WDR25: variants seen among roughly 807,000 people sequenced by gnomAD.
The protein encoded by WDR25 is WD repeat-containing protein 25.
Under a neutral mutation model 47.7 loss-of-function variants are expected in WDR25, and 35 were observed. The observed-to-expected ratio is 0.73, with a 90% CI of 0.56 to 0.97. WDR25 has a LOEUF of 0.97. WDR25 is among the 50% of genes least tolerant of loss of function. The pLI is 0.00. For synonymous variants in WDR25, 248 were observed against 278.9 expected (o/e 0.89, Z 1.10); for missense variants, 634 against 704.7 (o/e 0.90, Z 1.14).
intron 2 of WDR25, among the ~76,000 whole-genome samples, chr14:100,444,353 C>T (rs1393692614): frequency 1.3e-5 from 2 of 152,226 alleles, no homozygotes; most frequent in Non-Finnish European, 2.9e-5. Flanking sequence ...TGCATCCGTG[C>T]CACTTAGTTG....
rs1033958424 is a variant in WDR25, at chr14:100,392,244, A to G, written c.822+10498A>G. Among the ~76,000 whole-genome samples, 21 of 152,128 alleles carry G rather than the reference A, an allele frequency of 1.4e-4. No individual in the cohort carries two copies. Among genetic ancestry groups the G allele is most frequent in the African/African-American group, 4.6e-4 (19 of 41,428 alleles). On this transcript the variant is annotated intron_variant, in intron 2 of 6. Coordinates refer to ENST00000402312, the MANE Select transcript of WDR25 (RefSeq NM_001161476.3). The surrounding 1 kb of genome is among the most constrained non-coding windows in gnomAD (Gnocchi z 4.2). The stretch of plus-strand genomic sequence containing the variant: ...ATTTTAGACAGTGTAATTGAGGACC[A>G]CAGTTTTCTTTACATCTGTAATTAC...
In WDR25 at chr14:100,392,911, A is replaced by G. The variant is rs895493199; in HGVS notation, c.822+11165A>G. Among the ~76,000 whole-genome samples, 3 of 152,174 alleles carry G rather than the reference A, an allele frequency of 2.0e-5. No individual in the cohort carries two copies. The highest frequency in any genetic ancestry group is 7.2e-5 in the African/African-American group (3 of 41,450). Reference sequence around the variant, plus strand: ...GGACTGCTGGGTCAAAGGGTTGTACATTTTCATGGGTCCAGATACGTCTCT... The same window carrying G: ...GGACTGCTGGGTCAAAGGGTTGTACGTTTTCATGGGTCCAGATACGTCTCT... On this transcript the variant is annotated intron_variant, in intron 2 of 6. Coordinates refer to ENST00000402312, the MANE Select transcript of WDR25 (RefSeq NM_001161476.3). This position sits in a 1 kb window ranked among gnomAD's most constrained non-coding sequence, Gnocchi z 4.2.
At chr14:100,436,808 C>T (rs764917123) in intron 2 of WDR25, among the ~76,000 whole-genome samples, 1 of 152,192 alleles carries the variant, frequency 6.6e-6, no homozygotes, top group Non-Finnish European at 1.5e-5. Flanking sequence ...TCTTCGCTCT[C>T]GCCCCCTGAG....
At chr14:100,454,319 A>C (rs1899132866) in intron 2 of WDR25, 4 of 1,237,592 alleles carry the variant, frequency 3.2e-6, no homozygotes, top group Non-Finnish European at 4.2e-6. Context: ...GGGTGTGGAG[A>C]AGATTTTGAC....
intron 2 of WDR25, among the ~76,000 whole-genome samples, chr14:100,441,908 AT>A (rs2140247877): frequency 6.6e-6 from 1 of 152,060 alleles, no homozygotes; most frequent in Admixed American, 6.5e-5. Context: ...TCTGTTAGGT[AT>A]TTTTATTCCC....
At chr14:100,472,825 C>T (rs1899888621) in intron 3 of WDR25, among the ~76,000 whole-genome samples, 1 of 152,226 alleles carries the variant, frequency 6.6e-6, no homozygotes, top group African/African-American at 2.4e-5. Flanking sequence ...AGACCCCCAG[C>T]CTGCCCGGCC....
intron 2 of WDR25, among the ~76,000 whole-genome samples, chr14:100,390,199 T>C (rs1897109399): frequency 1.3e-5 from 2 of 152,210 alleles, no homozygotes; most frequent in Non-Finnish European, 1.5e-5. Flanking sequence ...ATATTGTTTT[T>C]TATTGTATAT....
intron 2 of WDR25, 44 bp from the exon 3 acceptor site, chr14:100,467,977 A>T: frequency 1.2e-6 from 2 of 1,609,584 alleles, no homozygotes; most frequent in Non-Finnish European, 1.7e-6. Flanking sequence ...CCTGGAGATC[A>T]GGCCCTTGTT....
intron 4 of WDR25, among the ~76,000 whole-genome samples, chr14:100,514,456 T>A (rs2140369244): frequency 6.6e-6 from 1 of 152,230 alleles, no homozygotes; most frequent in East Asian, 1.9e-4. Context: ...TTCTCCCCCA[T>A]CCATTTTTTT....
intron 2 of WDR25, among the ~76,000 whole-genome samples, chr14:100,447,768 C>T (rs939775631): frequency 1.3e-5 from 2 of 152,220 alleles, no homozygotes; most frequent in African/African-American, 4.8e-5. Flanking sequence ...CTCCTTCCCA[C>T]CGTGCTGAAT....
At chr14:100,447,932 G>A (rs890194590) in intron 2 of WDR25, among the ~76,000 whole-genome samples, 1 of 152,144 alleles carries the variant, frequency 6.6e-6, no homozygotes, top group African/African-American at 2.4e-5. Context: ...GGTGGCTCAC[G>A]CCTGTAATCC....
At chr14:100,417,174 T>C (rs1897891657) in intron 2 of WDR25, among the ~76,000 whole-genome samples, 1 of 152,188 alleles carries the variant, frequency 6.6e-6, no homozygotes, top group Non-Finnish European at 1.5e-5. Context: ...TGCTGTGCTG[T>C]GTGTGGCATG....
chr14:100,494,462 T>G (rs558135565), intron 4 of WDR25, among the ~76,000 whole-genome samples: 4 of 152,240 alleles, frequency 2.6e-5, no homozygotes, highest in African/African-American at 9.6e-5. Flanking sequence ...AGCTATGTTT[T>G]TTGCCTTTTA....
chr14:100,435,232 C>T (rs759289512), intron 2 of WDR25, among the ~76,000 whole-genome samples: 18 of 152,314 alleles, frequency 1.2e-4, no homozygotes, highest in Non-Finnish European at 2.1e-4. Flanking sequence ...TTGTGAATGA[C>T]GGGTGTACTT....
intron 2 of WDR25, among the ~76,000 whole-genome samples, chr14:100,410,888 T>A (rs1284158028): frequency 1.3e-5 from 2 of 151,344 alleles, no homozygotes; most frequent in Admixed American, 6.6e-5. Context: ...GCTCAAGCGA[T>A]CCTCCTACCT....
At chr14:100,390,613 C>G (rs112808881) in intron 2 of WDR25, among the ~76,000 whole-genome samples, 2,904 of 152,280 alleles carry the variant, frequency 0.019, 44 homozygotes, top group Middle Eastern at 0.044. Flanking sequence ...CTGCTGCCAG[C>G]CTTCCGGCAT....
At chr14:100,379,388 T>C (rs1450813147) in intron 1 of WDR25, among the ~76,000 whole-genome samples, 1 of 147,608 alleles carries the variant, frequency 6.8e-6, no homozygotes, top group Admixed American at 6.7e-5. Context: ...TTCTTTTTTT[T>C]TCTTTTTTTT....
rs1450655228 is a variant in WDR25 at position 100,392,520 on chromosome 14, A to G, written c.822+10774A>G. ...ACAAAACCATAAGCAAAATCCACCA[A>G]CTCGACCATACACTGAAATTATCAT... On this transcript the variant is annotated intron_variant, in intron 2 of 6. Coordinates refer to ENST00000402312, the MANE Select transcript of WDR25 (RefSeq NM_001161476.3). This position sits in a 1 kb window ranked among gnomAD's most constrained non-coding sequence, Gnocchi z 4.2. 1.3e-5 allele frequency among the ~76,000 whole-genome samples: 2 copies of G among 151,316 alleles called. No homozygotes were observed. The highest frequency in any genetic ancestry group is 2.4e-5 in the African/African-American group (1 of 41,080).
rs560231495 is a variant in WDR25 at position 100,389,340 on chromosome 14, T to C, written c.822+7594T>C. Among the ~76,000 whole-genome samples, 9 of 152,368 alleles carry C rather than the reference T, an allele frequency of 5.9e-5. No individual in the cohort carries two copies. The South Asian group carries it at 8.3e-4, about 14-fold the overall frequency. On this transcript the variant is annotated intron_variant, in intron 2 of 6. Transcript: ENST00000402312. ...TTTTTGTAGCCTGCATTTAAAATCATAGGGTGGTCATTTCTCCCCCAGATT... is the reference window on the plus strand; with the variant it reads ...TTTTTGTAGCCTGCATTTAAAATCACAGGGTGGTCATTTCTCCCCCAGATT...
Sources: gnomAD v4.1 joint callset for allele counts (sites outside exome capture counted in the v4.1 genomes callset) on GRCh38, gnomAD v4.1.1 for gene constraint, Gnocchi (gnomAD v3.1) non-coding constraint, MANE v1.5 for transcripts, NCBI Gene and HGNC (gene_info 2026-07-23, HGNC 2026-07-21) for gene names.